ZNF385D: variants seen among roughly 807,000 people sequenced by gnomAD.
The protein encoded by ZNF385D is zinc finger protein 385D.
Under a neutral mutation model 35.8 loss-of-function variants are expected in ZNF385D, and 15 were observed. The observed-to-expected ratio is 0.42, with a 90% CI of 0.28 to 0.64. The LOEUF is 0.64. Among genes scored for constraint, ZNF385D ranks in the 30% least tolerant of loss-of-function variants. ZNF385D has a pLI of 0.23. For missense variants in ZNF385D, 474 were observed against 494.6 expected (o/e 0.96, Z 0.39); for synonymous variants, 212 against 186.8 (o/e 1.13, Z -1.10).
At chr3:21,751,393 G>GCCA, upstream of ZNF385D, 3 of 1,009,046 alleles carry the variant, frequency 3.0e-6, no homozygotes, top group South Asian at 4.1e-5. Flanking sequence ...CGAGAAGAGT[G>GCCA]TCGGGATCCA....
rs1214421851 is a variant in ZNF385D, at chr3:22,048,509, C to T, written c.325+120308G>A. 5.9e-5 allele frequency among the ~76,000 whole-genome samples: 9 copies of T among 152,132 alleles called. No homozygotes were observed. The South Asian group carries it at 1.9e-3, about 31-fold the overall frequency. On this transcript the variant is annotated intron_variant, in intron 3 of 5. Coordinates refer to the ZNF385D transcript ENST00000494108. ...CGATTTGTTGAAGGGACTGTCCCTTCCCTGTTGTGTGTTCTGGACATCTTT... is the reference window on the plus strand; with the variant it reads ...CGATTTGTTGAAGGGACTGTCCCTTTCCTGTTGTGTGTTCTGGACATCTTT...
intron 2 of ZNF385D, among the ~76,000 whole-genome samples, chr3:22,189,817 G>C (rs1695894943): frequency 6.6e-6 from 1 of 152,056 alleles, no homozygotes; most frequent in South Asian, 2.1e-4. Flanking sequence ...ACACAGACAT[G>C]GGCCCAGCCA....
In ZNF385D at chr3:22,224,295, A is replaced by G. The variant is rs1698430513; in HGVS notation, c.107-55260T>C. ...TATTTGTATTTTTAATCTTCTTTGG[A>G]GTAGTAGTGTAATCAACATGCTACT... is the stretch of plus-strand genomic sequence containing the variant. On this transcript the variant is annotated intron_variant, in intron 2 of 5. Coordinates refer to the ZNF385D transcript ENST00000494108. Among the ~76,000 whole-genome samples, 3 of 152,180 alleles carry G rather than the reference A, an allele frequency of 2.0e-5. No homozygotes were observed. In the South Asian group the frequency reaches 6.2e-4, roughly 32 times the overall value.
chr3:21,939,626 T>A (rs1261656442), intron 3 of ZNF385D, among the ~76,000 whole-genome samples: 1 of 152,096 alleles, frequency 6.6e-6, no homozygotes, highest in East Asian at 1.9e-4. Flanking sequence ...AAAGAAAATA[T>A]AGATGAATGG....
chr3:22,122,815 A>C (rs1576356766), intron 3 of ZNF385D, among the ~76,000 whole-genome samples: 1 of 152,330 alleles, frequency 6.6e-6, no homozygotes, highest in East Asian at 1.9e-4. Context: ...TACTTTAAAC[A>C]GAGGCAACAT....
chr3:22,076,935 T>C (rs1700494491), intron 3 of ZNF385D, among the ~76,000 whole-genome samples: 1 of 151,944 alleles, frequency 6.6e-6, no homozygotes, highest in Admixed American at 6.6e-5. Context: ...AACACTCATC[T>C]ACCTCTGAGT....
chr3:21,680,588 A>G (rs2066867217), intron 1 of ZNF385D, among the ~76,000 whole-genome samples: 1 of 151,984 alleles, frequency 6.6e-6, no homozygotes, highest in African/African-American at 2.4e-5. Context: ...GGATATGATG[A>G]CTGATGCTTT....
chr3:21,906,947 C>T (rs575408262), intron 3 of ZNF385D, among the ~76,000 whole-genome samples: 45 of 152,230 alleles, frequency 3.0e-4, no homozygotes, highest in African/African-American at 1.1e-3. Flanking sequence ...TCCCTGTTTC[C>T]CACTACTCAA....
At chr3:21,815,114 A>C (rs1220944920) in intron 3 of ZNF385D, among the ~76,000 whole-genome samples, 1 of 152,210 alleles carries the variant, frequency 6.6e-6, no homozygotes, top group Non-Finnish European at 1.5e-5. Context: ...AGGCAGAAAT[A>C]AAGATGTTCT....
chr3:22,144,922 A>G (rs1029395781), intron 3 of ZNF385D, among the ~76,000 whole-genome samples: 1 of 152,160 alleles, frequency 6.6e-6, no homozygotes, highest in East Asian at 1.9e-4. Flanking sequence ...AAAAACATAT[A>G]AAATATTTAG....
At chr3:21,885,836 T>C (rs1698519684) in intron 3 of ZNF385D, among the ~76,000 whole-genome samples, 1 of 151,688 alleles carries the variant, frequency 6.6e-6, no homozygotes, top group African/African-American at 2.4e-5. Context: ...GTGAAGGCTC[T>C]GTGAGTCTGA....
intron 2 of ZNF385D, among the ~76,000 whole-genome samples, chr3:22,207,774 G>A (rs1697250879): frequency 6.6e-6 from 1 of 151,874 alleles, no homozygotes; most frequent in Non-Finnish European, 1.5e-5. Context: ...ATTAAAAATG[G>A]GCAAAAGATG....
In ZNF385D at chr3:21,751,042, C is replaced by G; in HGVS notation, c.-126G>C. 1 of 1,561,768 alleles carries G rather than the reference C, an allele frequency of 6.4e-7. No homozygotes were observed. The highest frequency in any genetic ancestry group is 8.7e-7 in the Non-Finnish European group (1 of 1,153,714). ...TGTCCCCGGCGTGGAGAGCAGTGAG[C>G]GCCGAGAGCGTGCCTCCTCCGCGGG... On this transcript the variant is annotated 5_prime_UTR_variant, in exon 1 of 8. Coordinates refer to ENST00000281523, the MANE Select transcript of ZNF385D (RefSeq NM_024697.3).
At chr3:21,480,247 C>T (rs2125374086) in intron 4 of ZNF385D, among the ~76,000 whole-genome samples, 1 of 151,910 alleles carries the variant, frequency 6.6e-6, no homozygotes, top group South Asian at 2.1e-4. Flanking sequence ...GGATTACAGG[C>T]ACCCACCACC....
At chr3:21,762,265 T>C (rs2070651556) in intron 3 of ZNF385D, among the ~76,000 whole-genome samples, 2 of 152,200 alleles carry the variant, frequency 1.3e-5, no homozygotes, top group African/African-American at 4.8e-5. Flanking sequence ...ATTCTTCCTT[T>C]CCACTACTAT....
chr3:21,746,482 T>C (rs1322520315), intron 1 of ZNF385D, among the ~76,000 whole-genome samples: 2 of 152,250 alleles, frequency 1.3e-5, no homozygotes, highest in Non-Finnish European at 2.9e-5. Context: ...TTTCAGGTTC[T>C]TATTCATGAC....
chr3:22,171,077 T>C (rs1440345607), intron 2 of ZNF385D, among the ~76,000 whole-genome samples: 2 of 152,080 alleles, frequency 1.3e-5, no homozygotes, highest in African/African-American at 2.4e-5. Context: ...TTAGCATTTC[T>C]GTATTTAAAA....
intron 2 of ZNF385D, among the ~76,000 whole-genome samples, chr3:21,575,618 C>G (rs1284417321): frequency 6.6e-6 from 1 of 152,126 alleles, no homozygotes; most frequent in Non-Finnish European, 1.5e-5. Flanking sequence ...TAGTATTTTC[C>G]CAGCTTTCAG....
intron 3 of ZNF385D, among the ~76,000 whole-genome samples, chr3:22,060,166 A>G (rs1423138005): frequency 6.6e-6 from 1 of 152,140 alleles, no homozygotes. Flanking sequence ...ATTTGGACTA[A>G]ATTACAAGAC....
Sources: gnomAD v4.1 joint callset for allele counts (sites outside exome capture counted in the v4.1 genomes callset) on GRCh38, gnomAD v4.1.1 for gene constraint, MANE v1.5 for transcripts, NCBI Gene and HGNC (gene_info 2026-07-23, HGNC 2026-07-21) for gene names.